ANK2: variants seen among roughly 807,000 people sequenced by gnomAD.
ANK2 encodes the protein ankyrin 2.
A neutral mutation model predicts 360.5 loss-of-function variants in ANK2; 83 were observed. That is an observed-to-expected ratio of 0.23 (90% CI 0.19 to 0.28). The LOEUF is 0.28. ANK2 is among the 10% of genes least tolerant of loss of function. The pLI, the probability that ANK2 is intolerant of heterozygous loss-of-function variation, is 1.00. For missense variants in ANK2, 4,201 were observed against 4,795.7 expected (o/e 0.88, Z 3.66); for synonymous variants, 1,740 against 1,759.5 (o/e 0.99, Z 0.28).
chr4:113,232,705 C>G (rs1048251147), intron 5 of ANK2, among the ~76,000 whole-genome samples: 17 of 151,924 alleles, frequency 1.1e-4, no homozygotes, highest in Non-Finnish European at 1.2e-4. Flanking sequence ...AAAAAAAACC[C>G]TGTACCTTAT....
intron 23 of ANK2, among the ~76,000 whole-genome samples, chr4:113,308,416 A>G (rs1409121024): frequency 6.6e-6 from 1 of 152,212 alleles, no homozygotes; most frequent in Non-Finnish European, 1.5e-5. Flanking sequence ...TAGATGCAAA[A>G]TTCATGAGAG....
chr4:112,819,920 C>T (rs1260643084), intron 1 of ANK2, among the ~76,000 whole-genome samples: 1 of 152,134 alleles, frequency 6.6e-6, no homozygotes, highest in Non-Finnish European at 1.5e-5. Context: ...CTGCCTAGAC[C>T]ACACCCCCTT....
At chr4:112,820,395 G>A (rs1239793161) in intron 1 of ANK2, among the ~76,000 whole-genome samples, 1 of 152,172 alleles carries the variant, frequency 6.6e-6, no homozygotes, top group Non-Finnish European at 1.5e-5. Context: ...TGACAGAGTT[G>A]GGACTAGAAC....
chr4:112,998,675 G>A (rs1343597575), intron 2 of ANK2, among the ~76,000 whole-genome samples: 1 of 152,134 alleles, frequency 6.6e-6, no homozygotes, highest in Non-Finnish European at 1.5e-5. Flanking sequence ...AAATAAATTT[G>A]GGAAAGTGTG....
intron 13 of ANK2, among the ~76,000 whole-genome samples, chr4:113,260,763 C>T (rs2052385743): frequency 6.6e-6 from 1 of 152,154 alleles, no homozygotes; most frequent in Non-Finnish European, 1.5e-5. Context: ...CTTTCTCTAG[C>T]AGTGGGATGC....
chr4:112,957,221 C>T (rs9992123), intron 2 of ANK2, among the ~76,000 whole-genome samples: 4 of 149,002 alleles, frequency 2.7e-5, no homozygotes, highest in South Asian at 2.1e-4. Flanking sequence ...TGACTCTTAA[C>T]GAGCATGCTG....
intron 25 of ANK2, 140 bp downstream of exon 25, chr4:113,317,949 A>C: frequency 2.6e-6 from 2 of 783,592 alleles, no homozygotes; most frequent in Non-Finnish European, 4.4e-6. Context: ...AAGAGATTTG[A>C]GGGTTTTCCT....
chr4:112,893,588 C>A (rs1317482904), intron 1 of ANK2, among the ~76,000 whole-genome samples: 1 of 152,172 alleles, frequency 6.6e-6, no homozygotes, highest in Non-Finnish European at 1.5e-5. Context: ...ATAATAATGA[C>A]CATTTATCAA....
At chr4:113,017,789 G>A (rs113139792) in intron 2 of ANK2, among the ~76,000 whole-genome samples, 4 of 152,276 alleles carry the variant, frequency 2.6e-5, no homozygotes, top group African/African-American at 9.6e-5. Flanking sequence ...TAGGCACTCT[G>A]ACCCCAATGG....
chr4:113,048,558 C>G (rs2065580857), upstream of ANK2, among the ~76,000 whole-genome samples: 1 of 151,058 alleles, frequency 6.6e-6, no homozygotes, highest in Admixed American at 6.6e-5. Flanking sequence ...TAGGCATGAG[C>G]CACTGCGCCC....
At chr4:113,137,761 A>G (rs943494316) in intron 1 of ANK2, among the ~76,000 whole-genome samples, 1 of 152,182 alleles carries the variant, frequency 6.6e-6, no homozygotes, top group African/African-American at 2.4e-5. Context: ...AAACATCAGC[A>G]TGAGTGTATT....
chr4:112,917,613 A>T (rs1192202584), intron 2 of ANK2, among the ~76,000 whole-genome samples: 1 of 152,248 alleles, frequency 6.6e-6, no homozygotes, highest in Admixed American at 6.5e-5. Flanking sequence ...TTATTAGATG[A>T]CATACATATC....
intron 2 of ANK2, among the ~76,000 whole-genome samples, chr4:112,951,910 G>C (rs949953587): frequency 6.6e-6 from 1 of 152,196 alleles, no homozygotes; most frequent in Non-Finnish European, 1.5e-5. Flanking sequence ...ACCTGTGGCT[G>C]CAGTTCAACC....
chr4:113,123,835 AAG>A (rs923085159), intron 1 of ANK2, among the ~76,000 whole-genome samples: 1 of 152,166 alleles, frequency 6.6e-6, no homozygotes, highest in African/African-American at 2.4e-5. Flanking sequence ...TTGAAATTTC[AAG>A]CGATCGTAGA....
chr4:112,777,350 T>G, the ANK2 span, among the ~76,000 whole-genome samples: 2 of 152,136 alleles, frequency 1.3e-5, no homozygotes, highest in South Asian at 4.2e-4. Flanking sequence ...GCCATTCTCC[T>G]GCCTCAGCCT....
At chr4:113,284,250 G>T (rs948396989) in intron 18 of ANK2, among the ~76,000 whole-genome samples, 8 of 152,168 alleles carry the variant, frequency 5.3e-5, no homozygotes, top group Non-Finnish European at 8.8e-5. Flanking sequence ...TGTCATTCAG[G>T]TGGTCATTTA....
At chr4:113,063,999 G>A (rs2074610248) in intron 1 of ANK2, among the ~76,000 whole-genome samples, 1 of 152,032 alleles carries the variant, frequency 6.6e-6, no homozygotes, top group African/African-American at 2.4e-5. Context: ...ACTGAAATTT[G>A]ATTTTTCCAT....
intron 1 of ANK2, among the ~76,000 whole-genome samples, chr4:112,890,559 T>A (rs982850103): frequency 2.1e-5 from 2 of 94,680 alleles, no homozygotes; most frequent in African/African-American, 8.1e-5. Context: ...TTCTGTGGTT[T>A]TTTTTTTTTT....
At chr4:112,709,887 G>A in the ANK2 span, among the ~76,000 whole-genome samples, 6 of 152,222 alleles carry the variant, frequency 3.9e-5, 1 homozygote, top group African/African-American at 4.8e-5. Flanking sequence ...ATTGGTGCCA[G>A]AAAACTTCAG....
Sources: gnomAD v4.1 joint callset for allele counts (sites outside exome capture counted in the v4.1 genomes callset) on GRCh38, gnomAD v4.1.1 for gene constraint, MANE v1.5 for transcripts, NCBI Gene and HGNC (gene_info 2026-07-23, HGNC 2026-07-21) for gene names.